The following MRTFA variants were observed in gnomAD, a reference collection of about 807,000 sequenced individuals.
MRTFA encodes the protein myocardin related transcription factor A.
MRTFA carries 20 observed loss-of-function variants against 83.5 expected under a neutral mutation model. The ratio of observed to expected loss-of-function variants is 0.24; its 90% confidence interval spans 0.17 to 0.35. MRTFA has a LOEUF of 0.35. MRTFA is among the 10% of genes least tolerant of loss of function. The pLI is 1.00. For synonymous variants in MRTFA, 659 were observed against 541.2 expected (o/e 1.22, Z -3.02); for missense variants, 1,200 against 1,224.7 (o/e 0.98, Z 0.30).
chr22:40,587,696 A>G, intron 2 of MRTFA: 1 of 333,474 alleles, frequency 3.0e-6, no homozygotes, highest in Non-Finnish European at 6.0e-6. Context: ...GGTTGGTGCA[A>G]ACATGTGGCC....
chr22:40,600,982 G>GCAAAA (rs1229528102), intron 1 of MRTFA, among the ~76,000 whole-genome samples: 2 of 152,080 alleles, frequency 1.3e-5, no homozygotes, highest in East Asian at 3.9e-4. Context: ...CTCAAAAAAA[G>GCAAAA]CAAAACAAAA....
intron 2 of MRTFA, among the ~76,000 whole-genome samples, chr22:40,561,700 T>C (rs1001189017): frequency 1.1e-4 from 17 of 152,146 alleles, no homozygotes; most frequent in African/African-American, 4.1e-4. Flanking sequence ...AACAGAAAAA[T>C]ATAACAAAAC....
intron 14 of MRTFA, among the ~76,000 whole-genome samples, chr22:40,415,653 T>C (rs2052662576): frequency 6.6e-6 from 1 of 151,998 alleles, no homozygotes; most frequent in Admixed American, 6.6e-5. Context: ...TGGGATCTTC[T>C]ACTCCCAGCT....
chr22:40,419,534 C>A, intron 11 of MRTFA, 150 bp from the exon 12 acceptor site: 2 of 677,770 alleles, frequency 3.0e-6, no homozygotes, highest in Non-Finnish European at 5.0e-6. Flanking sequence ...ATGCCCCCCA[C>A]CACCTGAGCC....
At chr22:40,450,832 A>G (rs1315686160) in intron 4 of MRTFA, among the ~76,000 whole-genome samples, 3 of 152,182 alleles carry the variant, frequency 2.0e-5, no homozygotes, top group African/African-American at 7.2e-5. Flanking sequence ...AAAAATTCCA[A>G]TGTGGACAAG....
At chr22:40,533,342 T>C (rs1006480277) in intron 3 of MRTFA, among the ~76,000 whole-genome samples, 5 of 152,208 alleles carry the variant, frequency 3.3e-5, no homozygotes, top group African/African-American at 1.2e-4. Context: ...GAGTTTTTTT[T>C]CTCAAACAGG....
intron 2 of MRTFA, among the ~76,000 whole-genome samples, chr22:40,554,369 G>A (rs754434073): frequency 6.6e-6 from 1 of 152,176 alleles, no homozygotes; most frequent in Non-Finnish European, 1.5e-5. Context: ...TAATCCCCAT[G>A]TGTTGTGGGA....
chr22:40,516,019 G>A (rs956149827), intron 3 of MRTFA, among the ~76,000 whole-genome samples: 33 of 152,178 alleles, frequency 2.2e-4, no homozygotes, highest in South Asian at 8.3e-4. Flanking sequence ...ACATTGAATC[G>A]GTTGACCAAA....
intron 3 of MRTFA, among the ~76,000 whole-genome samples, chr22:40,512,976 G>A (rs977787537): frequency 6.6e-6 from 1 of 152,108 alleles, no homozygotes; most frequent in Middle Eastern, 3.2e-3. Context: ...ATTTTGCTAT[G>A]AAAAGAAATT....
At chr22:40,613,971 G>A (rs952485959) in intron 1 of MRTFA, among the ~76,000 whole-genome samples, 11 of 151,154 alleles carry the variant, frequency 7.3e-5, no homozygotes, top group South Asian at 4.2e-4. Flanking sequence ...AGGCCGAGGC[G>A]GGCGGATCAC....
At chr22:40,457,477 AGAAAGAAAGAAG>A (rs1380813499) in intron 4 of MRTFA, among the ~76,000 whole-genome samples, 3,467 of 145,826 alleles carry the variant, frequency 0.024, 88 homozygotes, top group East Asian at 0.052. Flanking sequence ...AAAGAAAGAA[AGAAAGAAAGAAG>A]GAAAGAAAGA....
At chr22:40,557,989 G>C (rs1482718635) in intron 2 of MRTFA, among the ~76,000 whole-genome samples, 1 of 152,186 alleles carries the variant, frequency 6.6e-6, no homozygotes, top group Non-Finnish European at 1.5e-5. Flanking sequence ...GCCCAGGCTG[G>C]TCTTAAACTC....
chr22:40,484,872 ACCATCCTGG>A (rs2042145690), intron 3 of MRTFA, among the ~76,000 whole-genome samples: 1 of 152,012 alleles, frequency 6.6e-6, no homozygotes, highest in African/African-American at 2.4e-5. Flanking sequence ...GGAGATCGAG[ACCATCCTGG>A]CCAACATGGT....
chr22:40,614,233 A>AAAAT (rs1556026025), intron 1 of MRTFA, among the ~76,000 whole-genome samples: 1 of 150,666 alleles, frequency 6.6e-6, no homozygotes. Context: ...AAATAAATAA[A>AAAAT]AAATAAAAAA....
chr22:40,413,340 C>CA (rs1238350938), intron 14 of MRTFA, among the ~76,000 whole-genome samples: 2 of 146,916 alleles, frequency 1.4e-5, no homozygotes, highest in East Asian at 4.0e-4. Context: ...TATTTTACCA[C>CA]AATTTTTTTT....
At chr22:40,538,669 T>C (rs1032845537) in intron 3 of MRTFA, among the ~76,000 whole-genome samples, 1 of 152,224 alleles carries the variant, frequency 6.6e-6, no homozygotes, top group Non-Finnish European at 1.5e-5. Flanking sequence ...CAACATTCAT[T>C]GTGAAAACAG....
chr22:40,462,779 A>G (rs2053738865), intron 4 of MRTFA, among the ~76,000 whole-genome samples: 1 of 152,076 alleles, frequency 6.6e-6, no homozygotes, highest in South Asian at 2.1e-4. Flanking sequence ...TCTACATAAA[A>G]CTGTGGTTGA....
intron 4 of MRTFA, among the ~76,000 whole-genome samples, chr22:40,453,421 CA>C (rs1403458527): frequency 6.6e-6 from 1 of 152,146 alleles, no homozygotes; most frequent in African/African-American, 2.4e-5. Context: ...GGGCCAACTG[CA>C]AGGTTTGGGG....
chr22:40,513,602 C>CAAAAAAA (rs111580647), intron 3 of MRTFA, among the ~76,000 whole-genome samples: 3 of 65,922 alleles, frequency 4.6e-5, no homozygotes, highest in East Asian at 3.8e-4. Flanking sequence ...GACTCCATCT[C>CAAAAAAA]AAAAAAAAAA....
Sources: allele counts gnomAD v4.1 joint callset (sites outside exome capture counted in the v4.1 genomes callset), GRCh38; gene constraint gnomAD v4.1.1; transcripts MANE v1.5; gene names NCBI Gene and HGNC (gene_info 2026-07-23, HGNC 2026-07-21).